Variants in UNKL observed in about 807,000 individuals in gnomAD.
UNKL encodes the protein putative E3 ubiquitin-protein ligase UNKL.
Under a neutral mutation model 78.0 loss-of-function variants are expected in UNKL, and 60 were observed. The ratio of observed to expected loss-of-function variants is 0.77; its 90% CI spans 0.63 to 0.95. UNKL has a LOEUF of 0.95. Among genes scored for constraint, UNKL ranks in the 40% least tolerant of loss-of-function variants. The pLI, the probability that UNKL is intolerant of heterozygous loss-of-function variation, is 0.00. For missense variants in UNKL, 1,159 were observed against 1,045.7 expected (o/e 1.11, Z -1.49); for synonymous variants, 608 against 474.8 (o/e 1.28, Z -3.65).
intron 2 of UNKL, among the ~76,000 whole-genome samples, chr16:1,405,367 G>A (rs58411328): frequency 0.037 from 5,642 of 151,920 alleles, 323 homozygotes; most frequent in African/African-American, 0.13. Context: ...AGGCCAAGGC[G>A]GGTGGATCAC....
chr16:1,372,550 T>A (rs2141989794), intron 10 of UNKL, among the ~76,000 whole-genome samples: 1 of 151,720 alleles, frequency 6.6e-6, no homozygotes, highest in African/African-American at 2.4e-5. Context: ...TGCCCCTTCC[T>A]AGAATTAGGA....
Position 1,403,272 on chromosome 16 carries a change from G to A in UNKL, c.360C>T (p.Thr120=), listed in dbSNP as rs182348106. The A allele has an allele frequency of 6.2e-7, 1 of 1,614,230 alleles. No individual in the cohort carries two copies. The highest frequency in any genetic ancestry group is 1.3e-5 in the African/African-American group (1 of 75,066). ...KYHLRYYKTG[T]CIHETDARGH... ...CACGTGCGTCTGTCTCGTGGATGCA[G>A]GTTCCTGTTTTGTAGTAACGCAGGT... Residue 120 remains threonine (T), a synonymous_variant, in exon 3 of 15, where the codon ACC becomes ACT. Coordinates refer to ENST00000389221, the MANE Select transcript of UNKL (RefSeq NM_001372107.1). This position sits in a 1 kb window ranked among gnomAD's most constrained non-coding sequence, Gnocchi z 4.8.
intron 11 of UNKL, among the ~76,000 whole-genome samples, chr16:1,370,882 G>A (rs145407005): frequency 0.012 from 1,896 of 152,298 alleles, 36 homozygotes; most frequent in African/African-American, 0.043. Flanking sequence ...AGGAGATGGA[G>A]ACCATCCTGG....
At position 1,414,674 on chromosome 16, in the gene UNKL, T is replaced by C. The variant is rs2038205727; in HGVS notation, c.18A>G (p.Lys6=). ...ACCCGCTCAGCGCCGCTGCCGCCGC[T>C]TTCGAAACCGACGGCATTTTCAGTC... MPSVS[K]AAAAALSGSP... Residue 6 remains lysine, a synonymous_variant, in exon 1 of 15, where the codon AAA becomes AAG. Coordinates refer to ENST00000389221, the MANE Select transcript of UNKL (RefSeq NM_001372107.1). 3.5e-6 allele frequency: 4 copies of C among 1,151,556 alleles called. No individual in the cohort carries two copies. Among genetic ancestry groups the C allele is most frequent in the East Asian group, 6.5e-5 (1 of 15,284 alleles). 71.3% of individuals were successfully genotyped at this position (1,151,556 alleles called of 1,614,324 possible).
intron 10 of UNKL, among the ~76,000 whole-genome samples, chr16:1,371,902 A>G (rs900097505): frequency 1.3e-5 from 2 of 152,178 alleles, no homozygotes; most frequent in Non-Finnish European, 2.9e-5. Context: ...GCTGCCCCTC[A>G]GAGTTTAAAT....
At chr16:1,367,061 G>GCCCA (rs1380018182) in intron 14 of UNKL, 31 bp downstream of exon 14, 1 of 1,490,998 alleles carries the variant, frequency 6.7e-7, no homozygotes, top group Admixed American at 2.1e-5. Flanking sequence ...CAGGCAGGCT[G>GCCCA]GCCCCTCACC....
At chr16:1,398,256 C>T (rs959605879) in intron 5 of UNKL, 8 of 969,366 alleles carry the variant, frequency 8.3e-6, no homozygotes, top group Non-Finnish European at 9.8e-6. Context: ...CAGCCTGGGC[C>T]ACAGAGTGAG....
rs1185640980 is a variant in UNKL at position 1,370,187 on chromosome 16, G to C, written c.1528C>G (p.Pro510Ala). The change falls in exon 12 of 15, where the codon CCC (proline) becomes GCC (alanine). Residue 510 changes from proline (P) to alanine (A), a missense_variant. Coordinates refer to ENST00000389221, the MANE Select transcript of UNKL (RefSeq NM_001372107.1). ...AGTGTGCCCGGCTCTGAACGCAGGG[G>C]TGGCGGCTGCTGGGGAGGCGTCATG... ...SAMTPPQQPP[P>A]LRSEPGTLGS... 1 of 1,519,874 alleles carries C rather than the reference G, an allele frequency of 6.6e-7. No individual in the cohort carries two copies. The highest frequency in any genetic ancestry group is 2.5e-5 in the East Asian group (1 of 40,398). 94.1% of individuals were successfully genotyped at this position (1,519,874 alleles called of 1,614,324 possible).
intron 2 of UNKL, among the ~76,000 whole-genome samples, chr16:1,411,728 G>C (rs1395348053): frequency 6.6e-6 from 1 of 151,666 alleles, no homozygotes; most frequent in Non-Finnish European, 1.5e-5. Flanking sequence ...GGGAGGCTGA[G>C]GCAGGAGAAT....
intron 2 of UNKL, among the ~76,000 whole-genome samples, chr16:1,410,435 C>A (rs554896595): frequency 5.0e-4 from 76 of 152,224 alleles, no homozygotes; most frequent in Middle Eastern, 3.4e-3. Flanking sequence ...TGGAGAAACC[C>A]CATCTCTACT....
chr16:1,376,016 G>C lies in UNKL; in HGVS notation c.1265-4405C>G, dbSNP rs186731776. 4.6e-5 allele frequency among the ~76,000 whole-genome samples: 7 copies of C among 152,322 alleles called. No homozygotes were observed. The East Asian group carries it at 1.2e-3, about 25-fold the overall frequency. On this transcript the variant is annotated intron_variant, in intron 10 of 14. Coordinates refer to ENST00000389221, the MANE Select transcript of UNKL (RefSeq NM_001372107.1). ...GAGGACCACGCACTGAGCGGCCTTG[G>C]ACAGGTGGCTCCAAGGCTGAAAGTG...
At chr16:1,413,177 G>C (rs1354060526) in intron 2 of UNKL, among the ~76,000 whole-genome samples, 1 of 146,026 alleles carries the variant, frequency 6.8e-6, no homozygotes, top group Non-Finnish European at 1.5e-5. Flanking sequence ...CCTAGGAGTT[G>C]GTGGCTGCAG....
At chr16:1,389,075 C>T (rs542243817) in intron 9 of UNKL, among the ~76,000 whole-genome samples, 1 of 152,222 alleles carries the variant, frequency 6.6e-6, no homozygotes, top group South Asian at 2.1e-4. Flanking sequence ...CGGCCCCGGC[C>T]CCCACCATGC....
At position 1,363,477 on chromosome 16, in the gene UNKL, T is replaced by C; in HGVS notation, c.*2763A>G. 1 of 328,240 alleles carries C rather than the reference T, an allele frequency of 3.0e-6. No homozygotes were observed. The highest frequency in any genetic ancestry group is 5.9e-6 in the Non-Finnish European group (1 of 168,656). 20.3% of individuals were successfully genotyped at this position (328,240 alleles called of 1,614,324 possible). A position where few individuals can be genotyped will look rare whatever the true frequency, so the allele number is the denominator to read the frequency against. ...GCGGAACAAGGTCTGCTGACCACAG[T>C]TACACACGTCGTGACACCACTGTAT... is the stretch of plus-strand genomic sequence containing the variant. On this transcript the variant is annotated 3_prime_UTR_variant, in exon 15 of 15. Coordinates refer to ENST00000389221, the MANE Select transcript of UNKL (RefSeq NM_001372107.1).
Position 1,366,010 on chromosome 16 carries a change from G to T in UNKL, c.*230C>A, listed in dbSNP as rs565734018. 2.2e-6 allele frequency: 1 copy of T among 458,546 alleles called. No homozygotes were observed. The highest frequency in any genetic ancestry group is 2.0e-5 in the African/African-American group (1 of 50,492). 28.4% of individuals were successfully genotyped at this position (458,546 alleles called of 1,614,324 possible). ...TGGGTTTGCATTTAAGGTTTTTGAG[G>T]AAAATACCTTGAAACCGTCGGTAGG... On this transcript the variant is annotated 3_prime_UTR_variant, in exon 15 of 15. Coordinates refer to ENST00000389221, the MANE Select transcript of UNKL (RefSeq NM_001372107.1).
intron 12 of UNKL, chr16:1,368,223 AAAGACCCC>A (rs2035470410): frequency 3.0e-6 from 1 of 331,090 alleles, no homozygotes; most frequent in Non-Finnish European, 5.6e-6. Context: ...TGAGACTCTC[AAAGACCCC>A]ACAGAGCTGT....
intron 5 of UNKL, among the ~76,000 whole-genome samples, chr16:1,397,979 G>A (rs1228747240): frequency 6.6e-6 from 1 of 152,244 alleles, no homozygotes. Context: ...GTGCCAGGAT[G>A]GGGTCAGGAG....
chr16:1,413,766 C>T, intron 2 of UNKL, 80 bp downstream of exon 2: 2 of 1,422,640 alleles, frequency 1.4e-6, no homozygotes, highest in African/African-American at 1.4e-5. Flanking sequence ...CTAAGGCGTC[C>T]GCTGAGGGTC....
In UNKL at chr16:1,367,106, C is replaced by T. The variant is rs747320187; in HGVS notation, c.2032G>A (p.Glu678Lys). Residue 678 changes from glutamate (E) to lysine (K), a missense_variant, in exon 14 of 15, where the codon GAG becomes AAG. Glu to Lys is a moderately conservative substitution (Grantham distance 56, BLOSUM62 1). Transcript: ENST00000389221. ...SLQSQLRLDL[E>K]AVDGVIFQLR... ...GCAGGACTCACGCCGTCCACCGCCT[C>T]CAGGTCCAGGCGCAGCTGACTCTGC... 3 of 1,576,200 alleles carry T rather than the reference C, an allele frequency of 1.9e-6. No homozygotes were observed. Among genetic ancestry groups the T allele is most frequent in the Non-Finnish European group, 2.6e-6 (3 of 1,164,894 alleles).
Sources: gnomAD v4.1 joint callset for allele counts (sites outside exome capture counted in the v4.1 genomes callset) on GRCh38, gnomAD v4.1.1 for gene constraint, Gnocchi (gnomAD v3.1) non-coding constraint, MANE v1.5 for transcripts, NCBI Gene and HGNC (gene_info 2026-07-23, HGNC 2026-07-21) for gene names.